The following PON1 variants were observed in gnomAD, a reference collection of about 807,000 sequenced individuals.
PON1 encodes the protein paraoxonase 1, also known as serum paraoxonase/arylesterase 1.
In PON1, 37 loss-of-function variants were observed where a neutral mutation model predicts 39.2. That is an observed-to-expected ratio of 0.94 (90% CI 0.73 to 1.24). PON1 has a LOEUF of 1.24. Ranked by LOEUF, PON1 falls within the 50% of genes most tolerant of loss-of-function variation. The probability of loss-of-function intolerance (pLI) is 0.00; values close to 1 mark genes in which losing one functional copy is unlikely to be tolerated. For missense variants in PON1, 397 were observed against 413.5 expected (o/e 0.96, Z 0.35); for synonymous variants, 148 against 152.2 (o/e 0.97, Z 0.21).
chr7:95,324,359 T>G (rs374658672), intron 1 of PON1, 43 bp downstream of exon 1: 77 of 1,584,712 alleles, frequency 4.9e-5, no homozygotes, highest in Middle Eastern at 1.7e-4. Flanking sequence ...TGGCAGGGAG[T>G]GAGGAGGACG....
intron 1 of PON1, among the ~76,000 whole-genome samples, chr7:95,321,455 C>T (rs141994019): frequency 1.5e-4 from 23 of 152,356 alleles, no homozygotes; most frequent in African/African-American, 3.1e-4. Flanking sequence ...CTACTACACA[C>T]GCCTCATTCA....
intron 7 of PON1, among the ~76,000 whole-genome samples, chr7:95,304,131 G>C (rs1180974405): frequency 2.6e-5 from 4 of 152,102 alleles, no homozygotes; most frequent in African/African-American, 9.6e-5. Flanking sequence ...TTAAACAATA[G>C]CTCCCTATTC....
At chr7:95,317,912 G>A (rs984887558) in intron 2 of PON1, among the ~76,000 whole-genome samples, 6 of 152,098 alleles carry the variant, frequency 3.9e-5, no homozygotes, top group Non-Finnish European at 8.8e-5. Context: ...TATCAAAAGA[G>A]AGATGCATAA....
In PON1 at chr7:95,298,561, CCT is replaced by C. The variant is rs1284777752; in HGVS notation, c.*381_*382del. The C allele has an allele frequency of 5.8e-6, 2 of 345,322 alleles. No individual in the cohort carries two copies. Among genetic ancestry groups the C allele is most frequent in the South Asian group, 2.4e-5 (1 of 41,666 alleles). 21.4% of individuals were successfully genotyped at this position (345,322 alleles called of 1,614,324 possible). On this transcript the variant is annotated 3_prime_UTR_variant, in exon 9 of 9. Coordinates refer to ENST00000222381, the MANE Select transcript of PON1 (RefSeq NM_000446.7). ...AAGACACGTGAGCTAACCCTGCTCC[CCT>C]GTGTCTTCTGAACAAGACATGGCAA...
intron 1 of PON1, among the ~76,000 whole-genome samples, chr7:95,319,436 A>G (rs1301138880): frequency 6.6e-6 from 1 of 152,170 alleles, no homozygotes; most frequent in Admixed American, 6.5e-5. Flanking sequence ...TCGCTGTCTA[A>G]AAAAATCTGA....
In PON1 at chr7:95,311,468, T is replaced by A; in HGVS notation, c.480A>T (p.Arg160Ser). ...CTCAGTACTTAGGCAGAAGTTTATG[T>A]CTGATGGTTTTTAGATGCAAAAGCG... ...EKSLLHLKTI[R>S]HKLLPNLNDI... The change falls in exon 5 of 9, where the codon AGA becomes AGT. Residue 160 changes from arginine (R) to serine (S), a missense_variant. Transcript: ENST00000222381. 5 of 1,614,126 alleles carry A rather than the reference T, an allele frequency of 3.1e-6. No homozygotes were observed. The South Asian group carries it at 5.5e-5, about 18-fold the overall frequency.
intron 3 of PON1, 67 bp from the exon 4 acceptor site, chr7:95,315,557 C>T: frequency 6.6e-7 from 1 of 1,507,956 alleles, no homozygotes; most frequent in East Asian, 2.3e-5. Context: ...AGAGGCGCTG[C>T]ATGGCCCATG....
chr7:95,323,027 T>C (rs1807933699), intron 1 of PON1, among the ~76,000 whole-genome samples: 1 of 152,142 alleles, frequency 6.6e-6, no homozygotes, highest in East Asian at 1.9e-4. Flanking sequence ...TCTTGCCTTC[T>C]CTCCCTGGGG....
At chr7:95,302,438 G>T in intron 7 of PON1, 105 bp from the exon 8 acceptor site, 1 of 954,362 alleles carries the variant, frequency 1.0e-6, no homozygotes, top group Non-Finnish European at 1.6e-6. Context: ...TGGTCACCAC[G>T]CTGCTGCTTC....
chr7:95,320,769 G>T lies in PON1; in HGVS notation c.75-2376C>A, dbSNP rs184284669. ...TTCTACCTCATTTTCAATTTATTAG[G>T]AAATATCTTGTCAAAGGCTTAAGTC... is the stretch of plus-strand genomic sequence containing the variant. On this transcript the variant is annotated intron_variant, in intron 1 of 8. Transcript: ENST00000222381. 3.3e-3 allele frequency among the ~76,000 whole-genome samples: 497 copies of T among 152,166 alleles called. 1 individual carries two copies. The highest frequency in any genetic ancestry group is 5.4e-3 in the Non-Finnish European group (365 of 68,010).
At chr7:95,304,566 T>C (rs1807501563) in intron 7 of PON1, among the ~76,000 whole-genome samples, 1 of 152,042 alleles carries the variant, frequency 6.6e-6, no homozygotes, top group Non-Finnish European at 1.5e-5. Context: ...ACTCTTGACC[T>C]CGTGATCCAC....
At chr7:95,300,354 C>T (rs1027996376) in intron 8 of PON1, among the ~76,000 whole-genome samples, 2 of 152,292 alleles carry the variant, frequency 1.3e-5, no homozygotes, top group African/African-American at 4.8e-5. Context: ...CTCTAGCTTT[C>T]TATTATTAAG....
At chr7:95,322,570 G>A (rs1185753087) in intron 1 of PON1, among the ~76,000 whole-genome samples, 8 of 152,250 alleles carry the variant, frequency 5.3e-5, no homozygotes, top group South Asian at 2.1e-4. Flanking sequence ...GAGGCCCAAC[G>A]TTAGCTTTGT....
Position 95,311,342 on chromosome 7 carries a change from G to A in PON1, c.497+109C>T, listed in dbSNP as rs1231715174. ...CATGTGGAGGAGTTTGTGATCATTA[G>A]AAATGAGAGTTGAACAGCCATACCT... On this transcript the variant is annotated intron_variant, in intron 5 of 8. Coordinates refer to ENST00000222381, the MANE Select transcript of PON1 (RefSeq NM_000446.7). 3.7e-6 allele frequency: 5 copies of A among 1,342,140 alleles called. No homozygotes were observed. In the Admixed American group the frequency reaches 8.6e-5, roughly 23 times the overall value. The allele number at this position is 1,342,140 out of a possible 1,614,324, so 83.1% of individuals were successfully genotyped here. A position where few individuals can be genotyped will look rare whatever the true frequency, so the allele number is the denominator to read the frequency against.
rs72084985 is a variant in PON1 at position 95,302,121 on chromosome 7, AC to A, written c.909+83del. The A allele has an allele frequency of 6.7e-3, 4,948 of 737,166 alleles. 257 individuals are homozygous for A. The highest frequency in any genetic ancestry group is 0.047 in the East Asian group (728 of 15,468). 45.7% of individuals were successfully genotyped at this position (737,166 alleles called of 1,614,324 possible). A position where few individuals can be genotyped will look rare whatever the true frequency, so the allele number is the denominator to read the frequency against. On this transcript the variant is annotated intron_variant, in intron 8 of 8. Transcript: ENST00000222381. The stretch of plus-strand genomic sequence containing the variant: ...CAAAAAAAAAAAAAAAAAAAAAAAA[AC>A]CAAGAATTGAGAATTATGTTGTCAA...
intron 8 of PON1, among the ~76,000 whole-genome samples, chr7:95,301,105 GATATC>G (rs1439830062): frequency 6.6e-6 from 1 of 151,714 alleles, no homozygotes; most frequent in Admixed American, 6.6e-5. Context: ...ATGTCAAGAT[GATATC>G]ATATATATGA....
In PON1 at chr7:95,302,234, A is replaced by T; in HGVS notation, c.880T>A (p.Tyr294Asn). ...GATGCAGGAGGATTCTCTGAGTCAT[A>T]GAAGAAGATTTTCATGCCATTGGGA... The part of the protein sequence containing the change: ...CHPNGMKIFF[Y>N]DSENPPASEV... Residue 294 changes from tyrosine (Y) to asparagine (N), a missense_variant, in exon 8 of 9, where the codon TAT (tyrosine) becomes AAT (asparagine). By Grantham distance (143) the Tyr-to-Asn change is moderately radical. Coordinates refer to ENST00000222381, the MANE Select transcript of PON1 (RefSeq NM_000446.7). 6.2e-7 allele frequency: 1 copy of T among 1,612,988 alleles called. No individual in the cohort carries two copies. The highest frequency in any genetic ancestry group is 8.5e-7 in the Non-Finnish European group (1 of 1,179,234).
At chr7:95,321,673 G>A (rs1807901707) in intron 1 of PON1, among the ~76,000 whole-genome samples, 2 of 152,312 alleles carry the variant, frequency 1.3e-5, no homozygotes, top group African/African-American at 2.4e-5. Context: ...GAAATCAAGT[G>A]TCATGATACT....
intron 8 of PON1, 82 bp downstream of exon 8, chr7:95,302,123 C>CAAAAAAAAAAAAA (rs1198986302): frequency 2.4e-4 from 111 of 460,256 alleles, no homozygotes; most frequent in East Asian, 9.0e-4. Context: ...AAAAAAAAAC[C>CAAAAAAAAAAAAA]AAGAATTGAG....
Sources: allele counts gnomAD v4.1 joint callset (sites outside exome capture counted in the v4.1 genomes callset), GRCh38; gene constraint gnomAD v4.1.1; transcripts MANE v1.5; gene names NCBI Gene and HGNC (gene_info 2026-07-23, HGNC 2026-07-21).